Variants in TAFA4 observed in about 807,000 individuals in gnomAD.
TAFA4 encodes TAFA chemokine like family member 4, also known as chemokine-like protein TAFA-4.
A neutral mutation model predicts 21.1 loss-of-function variants in TAFA4; 20 were observed. The ratio of observed to expected loss-of-function variants is 0.95; its 90% CI spans 0.67 to 1.38. The LOEUF (loss-of-function observed/expected upper bound fraction) is 1.38. Ranked by LOEUF, TAFA4 falls within the 40% of genes most tolerant of loss-of-function variation. TAFA4 has a pLI of 0.00. For missense variants in TAFA4, 211 were observed against 180.9 expected, an observed-to-expected ratio of 1.17 and a Z score of -0.95; for synonymous variants, 71 against 67.4, an observed-to-expected ratio of 1.05 and a Z score of -0.26.
At chr3:68,832,389 G>A (rs1038989435) in intron 3 of TAFA4, among the ~76,000 whole-genome samples, 1 of 152,122 alleles carries the variant, frequency 6.6e-6, no homozygotes, top group African/African-American at 2.4e-5. Flanking sequence ...TTTTGTTGAT[G>A]TTGATGCTAC....
chr3:68,876,395 A>C (rs2089550240), intron 3 of TAFA4, among the ~76,000 whole-genome samples: 1 of 152,232 alleles, frequency 6.6e-6, no homozygotes, highest in Non-Finnish European at 1.5e-5. Flanking sequence ...GGCAAAGTAC[A>C]AGTATAGCCG....
chr3:68,798,447 A>C (rs1703499891), intron 3 of TAFA4, among the ~76,000 whole-genome samples: 1 of 152,226 alleles, frequency 6.6e-6, no homozygotes, highest in Non-Finnish European at 1.5e-5. Context: ...AATAACCAGA[A>C]GTAATAAGTA....
chr3:68,775,766 A>G (rs1422324995), intron 3 of TAFA4, among the ~76,000 whole-genome samples: 1 of 152,188 alleles, frequency 6.6e-6, no homozygotes, highest in Non-Finnish European at 1.5e-5. Flanking sequence ...AAACAAATCC[A>G]GCTTAACTGC....
chr3:68,773,449 C>T (rs1180512020), intron 3 of TAFA4, among the ~76,000 whole-genome samples: 2 of 152,134 alleles, frequency 1.3e-5, no homozygotes, highest in African/African-American at 2.4e-5. Context: ...AAGTTTTTAT[C>T]AGGATTTCAA....
chr3:68,895,790 T>C (rs2089782397), intron 1 of TAFA4, among the ~76,000 whole-genome samples: 1 of 152,148 alleles, frequency 6.6e-6, no homozygotes, highest in African/African-American at 2.4e-5. Context: ...GGAGCTTGCA[T>C]TATAGCATGT....
chr3:68,798,367 A>G (rs1703498183), intron 3 of TAFA4, among the ~76,000 whole-genome samples: 1 of 152,226 alleles, frequency 6.6e-6, no homozygotes, highest in Non-Finnish European at 1.5e-5. Flanking sequence ...TCCTCTCTTC[A>G]ACAAAATTAT....
intron 4 of TAFA4, among the ~76,000 whole-genome samples, chr3:68,739,563 C>T (rs1272047786): frequency 6.6e-6 from 1 of 152,122 alleles, no homozygotes; most frequent in Non-Finnish European, 1.5e-5. Context: ...ATCAAAAAGA[C>T]ACCTGCACTC....
At chr3:68,844,968 G>A (rs965620103) in intron 3 of TAFA4, among the ~76,000 whole-genome samples, 6 of 152,204 alleles carry the variant, frequency 3.9e-5, no homozygotes, top group Non-Finnish European at 7.3e-5. Context: ...TAAGTGCAAT[G>A]TGGTGCTGAG....
rs1703185959 is a variant in TAFA4, at chr3:68,783,451, A to G, written c.131-30433T>C. Among the ~76,000 whole-genome samples, 3 of 152,172 alleles carry G rather than the reference A, an allele frequency of 2.0e-5. No homozygotes were observed. In the South Asian group the frequency reaches 6.2e-4, roughly 32 times the overall value. On this transcript the variant is annotated intron_variant, in intron 3 of 5. Transcript: ENST00000295569. ...GCCTCAGCACTGTGACCAAAGACCA[A>G]ACTGAGATGAGGAGAGGCCTTCCAA...
intron 1 of TAFA4, among the ~76,000 whole-genome samples, chr3:68,920,637 T>TA (rs200601323): frequency 0.029 from 4,135 of 142,486 alleles, 82 homozygotes; most frequent in Non-Finnish European, 0.043. Context: ...ACTTTTTCTC[T>TA]AATTTTTTTT....
At chr3:68,877,108 C>A (rs905158817) in intron 3 of TAFA4, among the ~76,000 whole-genome samples, 1 of 152,034 alleles carries the variant, frequency 6.6e-6, no homozygotes, top group African/African-American at 2.4e-5. Context: ...CCTGTAATCC[C>A]AGCACTTTGG....
chr3:68,852,542 C>G (rs1348179127), intron 3 of TAFA4, among the ~76,000 whole-genome samples: 3 of 152,174 alleles, frequency 2.0e-5, no homozygotes, highest in Non-Finnish European at 4.4e-5. Flanking sequence ...CTCCACCTGC[C>G]TGACTCCATG....
chr3:68,792,988 C>G (rs548679695), intron 3 of TAFA4, among the ~76,000 whole-genome samples: 1 of 152,302 alleles, frequency 6.6e-6, no homozygotes, highest in African/African-American at 2.4e-5. Context: ...AGCTGTGCTA[C>G]TGCTTCCATG....
At chr3:68,857,659 G>A (rs1271791419) in intron 3 of TAFA4, among the ~76,000 whole-genome samples, 2 of 151,938 alleles carry the variant, frequency 1.3e-5, no homozygotes, top group African/African-American at 4.8e-5. Flanking sequence ...AATGTTACAA[G>A]TCCTGAGATG....
chr3:68,810,643 C>G (rs111853392), intron 3 of TAFA4, among the ~76,000 whole-genome samples: 1 of 151,812 alleles, frequency 6.6e-6, no homozygotes, highest in African/African-American at 2.4e-5. Flanking sequence ...CCACCATTGC[C>G]GAGGCTTGAG....
chr3:68,777,243 A>T (rs1168109759), intron 3 of TAFA4, among the ~76,000 whole-genome samples: 1 of 152,138 alleles, frequency 6.6e-6, no homozygotes, highest in African/African-American at 2.4e-5. Flanking sequence ...AAACAAAAGC[A>T]CACTGCGGGA....
chr3:68,779,939 A>G (rs1249133539), intron 3 of TAFA4, among the ~76,000 whole-genome samples: 1 of 152,196 alleles, frequency 6.6e-6, no homozygotes, highest in Non-Finnish European at 1.5e-5. Context: ...CCATGAAAGC[A>G]GCTGAGAGGA....
intron 3 of TAFA4, among the ~76,000 whole-genome samples, chr3:68,806,038 A>T (rs140185519): frequency 3.3e-4 from 51 of 152,298 alleles, no homozygotes; most frequent in African/African-American, 1.2e-3. Context: ...AAAATAACTC[A>T]AAAACAACAA....
intron 1 of TAFA4, among the ~76,000 whole-genome samples, chr3:68,928,267 A>G (rs1448738847): frequency 2.0e-5 from 3 of 152,198 alleles, no homozygotes; most frequent in Non-Finnish European, 4.4e-5. Flanking sequence ...TAACATCAAC[A>G]CGCTACAGCT....
Sources: gnomAD v4.1 joint callset for allele counts (sites outside exome capture counted in the v4.1 genomes callset) on GRCh38, gnomAD v4.1.1 for gene constraint, MANE v1.5 for transcripts, NCBI Gene and HGNC (gene_info 2026-07-23, HGNC 2026-07-21) for gene names.